The following GALNT10 variants were observed in gnomAD, a reference collection of about 807,000 sequenced individuals.
The protein encoded by GALNT10 is GalNAc transferase 10.
A neutral mutation model predicts 75.0 loss-of-function variants in GALNT10; 41 were observed. That is an observed-to-expected ratio of 0.55 (90% CI 0.43 to 0.71). The LOEUF (loss-of-function observed/expected upper bound fraction) is 0.71, where lower values mean the gene tolerates loss of function less well. GALNT10 is among the 30% of genes least tolerant of loss of function. The pLI is 0.00. For missense variants in GALNT10, 727 were observed against 818.5 expected, an observed-to-expected ratio of 0.89 and a Z score of 1.36; for synonymous variants, 302 against 313.0, an observed-to-expected ratio of 0.96 and a Z score of 0.37.
At chr5:154,303,077 A>G (rs954075492) in intron 3 of GALNT10, among the ~76,000 whole-genome samples, 3 of 152,206 alleles carry the variant, frequency 2.0e-5, no homozygotes, top group African/African-American at 7.2e-5. Flanking sequence ...ATGAAGTAAG[A>G]TAAGTTTTCC....
intron 4 of GALNT10, among the ~76,000 whole-genome samples, chr5:154,345,012 G>A (rs80007444): frequency 0.053 from 8,086 of 152,246 alleles, 293 homozygotes; most frequent in Non-Finnish European, 0.072. Context: ...TGGGCATGCT[G>A]CAGCAGCAGA....
At chr5:154,406,804 A>T (rs1326207932) in intron 8 of GALNT10, among the ~76,000 whole-genome samples, 1 of 152,060 alleles carries the variant, frequency 6.6e-6, no homozygotes, top group Non-Finnish European at 1.5e-5. Flanking sequence ...CTTGGGGGGA[A>T]AAAAAGTGCT....
chr5:154,347,031 A>G (rs1343163383), intron 4 of GALNT10: 2 of 375,628 alleles, frequency 5.3e-6, no homozygotes, highest in Non-Finnish European at 1.1e-5. Flanking sequence ...TTCTAGTTCC[A>G]CATTGAAGAT....
intron 1 of GALNT10, among the ~76,000 whole-genome samples, chr5:154,271,253 G>A (rs942802618): frequency 6.6e-6 from 1 of 151,932 alleles, no homozygotes; most frequent in Non-Finnish European, 1.5e-5. Context: ...AATCACCTGA[G>A]GTCAGGAGTT....
chr5:154,203,498 C>T (rs760470484), intron 1 of GALNT10, among the ~76,000 whole-genome samples: 19 of 152,216 alleles, frequency 1.2e-4, no homozygotes, highest in Admixed American at 7.8e-4. Flanking sequence ...AGGTAGTCTG[C>T]CATGGCTCAG....
chr5:154,302,900 A>G (rs1262656029), intron 3 of GALNT10, among the ~76,000 whole-genome samples: 1 of 152,194 alleles, frequency 6.6e-6, no homozygotes, highest in African/African-American at 2.4e-5. Flanking sequence ...AGTGTAATAG[A>G]AGCAAGAAGG....
chr5:154,200,994 T>G (rs1015747710), intron 1 of GALNT10, among the ~76,000 whole-genome samples: 1 of 152,180 alleles, frequency 6.6e-6, no homozygotes, highest in African/African-American at 2.4e-5. Flanking sequence ...TTGTTTTTGT[T>G]TTTTTGTTTT....
intron 4 of GALNT10, chr5:154,337,853 G>T: frequency 1.9e-6 from 2 of 1,074,352 alleles, no homozygotes; most frequent in Non-Finnish European, 2.8e-6. Context: ...AGCCTCTTGG[G>T]CTGGATGAAA....
At position 154,376,249 on chromosome 5, in the gene GALNT10, C is replaced by T. The variant is rs1185088062; in HGVS notation, c.569-28C>T. The T allele has an allele frequency of 6.7e-7, 1 of 1,486,820 alleles. No individual in the cohort carries two copies. Among genetic ancestry groups the T allele is most frequent in the Non-Finnish European group, 9.3e-7 (1 of 1,071,794 alleles). The allele number at this position is 1,486,820 out of a possible 1,614,324, so 92.1% of individuals were successfully genotyped here. A position where few individuals can be genotyped will look rare whatever the true frequency, so the allele number is the denominator to read the frequency against. On this transcript the variant is annotated intron_variant, in intron 4 of 11. Coordinates refer to ENST00000297107, the MANE Select transcript of GALNT10 (RefSeq NM_198321.4). This position sits in a 1 kb window ranked among gnomAD's most constrained non-coding sequence, Gnocchi z 4.1. ...AGGATGACTACTAAGCAACTGTTCTCACTCTTCTGTCCTCTTCTGTCTCAT... is the reference window on the plus strand; with the variant it reads ...AGGATGACTACTAAGCAACTGTTCTTACTCTTCTGTCCTCTTCTGTCTCAT...
chr5:154,318,539 G>C (rs796877339), intron 3 of GALNT10, among the ~76,000 whole-genome samples: 14 of 152,058 alleles, frequency 9.2e-5, no homozygotes, highest in African/African-American at 3.4e-4. Flanking sequence ...TCTCTATCTT[G>C]TTTCTTCCTC....
chr5:154,218,365 A>G (rs1009241568), intron 1 of GALNT10, among the ~76,000 whole-genome samples: 2 of 152,112 alleles, frequency 1.3e-5, no homozygotes, highest in Non-Finnish European at 2.9e-5. Context: ...AATAGCAGTG[A>G]AGAGCCGTGG....
At chr5:154,314,943 G>A (rs1754574970) in intron 3 of GALNT10, among the ~76,000 whole-genome samples, 1 of 151,998 alleles carries the variant, frequency 6.6e-6, no homozygotes. Flanking sequence ...ACAAGTAATT[G>A]CTCTTAATGT....
At chr5:154,309,778 G>T (rs1754485729) in intron 3 of GALNT10, among the ~76,000 whole-genome samples, 1 of 152,258 alleles carries the variant, frequency 6.6e-6, no homozygotes, top group Non-Finnish European at 1.5e-5. Context: ...TTGCAGACAA[G>T]TTTGCGACAC....
chr5:154,358,589 TAG>T (rs1283187532), intron 4 of GALNT10, among the ~76,000 whole-genome samples: 2 of 152,102 alleles, frequency 1.3e-5, no homozygotes, highest in Non-Finnish European at 2.9e-5. Context: ...CTCCCACACA[TAG>T]AGCCTCTCTC....
chr5:154,419,488 C>T lies in GALNT10; in HGVS notation c.*2516C>T, dbSNP rs1271349732. The T allele has an allele frequency of 2.6e-5, 4 of 152,294 alleles. No individual in the cohort carries two copies. Among genetic ancestry groups the T allele is most frequent in the African/African-American group, 9.6e-5 (4 of 41,458 alleles). The allele number at this position is 152,294 out of a possible 1,614,324, so 9.4% of individuals were successfully genotyped here. A position where few individuals can be genotyped will look rare whatever the true frequency, so the allele number is the denominator to read the frequency against. Reference sequence around the variant, plus strand: ...CAGTGTTCCTGGCATGACCAGGATTCCTGTGAAAGCAGGAGCAGCAGCAAG... The same window carrying T: ...CAGTGTTCCTGGCATGACCAGGATTTCTGTGAAAGCAGGAGCAGCAGCAAG... On this transcript the variant is annotated 3_prime_UTR_variant, in exon 12 of 12. Coordinates refer to ENST00000297107, the MANE Select transcript of GALNT10 (RefSeq NM_198321.4).
chr5:154,222,143 A>G (rs1420307107), intron 1 of GALNT10, among the ~76,000 whole-genome samples: 1 of 151,506 alleles, frequency 6.6e-6, no homozygotes, highest in Non-Finnish European at 1.5e-5. Flanking sequence ...TCCCCTAATA[A>G]CCACCTGCCT....
intron 8 of GALNT10, among the ~76,000 whole-genome samples, chr5:154,405,900 T>C (rs1756270793): frequency 6.7e-6 from 1 of 149,866 alleles, no homozygotes; most frequent in Admixed American, 6.7e-5. Flanking sequence ...AAGGCCCACC[T>C]GATAAAGAGA....
chr5:154,412,727 A>G lies in GALNT10; in HGVS notation c.1387-162A>G, dbSNP rs1756423583. 1.5e-6 allele frequency: 1 copy of G among 661,238 alleles called. No individual in the cohort carries two copies. Among genetic ancestry groups the G allele is most frequent in the Admixed American group, 2.3e-5 (1 of 44,110 alleles). The allele number at this position is 661,238 out of a possible 1,614,324, so 41.0% of individuals were successfully genotyped here. On this transcript the variant is annotated intron_variant, in intron 9 of 11. Transcript: ENST00000297107. The surrounding 1 kb of genome is among the most constrained non-coding windows in gnomAD (Gnocchi z 4.2). The stretch of plus-strand genomic sequence containing the variant: ...GTGGACTGAGTCTTCCTTCATTGAG[A>G]GGCTCAAGGTACTTCCAACAGCCCA...
At chr5:154,244,457 G>A (rs1581935727) in intron 1 of GALNT10, among the ~76,000 whole-genome samples, 1 of 152,234 alleles carries the variant, frequency 6.6e-6, no homozygotes, top group South Asian at 2.1e-4. Flanking sequence ...CTTTGAAAGT[G>A]AGATGAGATT....
Sources: gnomAD v4.1 joint callset for allele counts (sites outside exome capture counted in the v4.1 genomes callset) on GRCh38, gnomAD v4.1.1 for gene constraint, Gnocchi (gnomAD v3.1) non-coding constraint, MANE v1.5 for transcripts, NCBI Gene and HGNC (gene_info 2026-07-23, HGNC 2026-07-21) for gene names.